The following FYB2 variants were observed in gnomAD, a reference collection of about 807,000 sequenced individuals.
The protein encoded by FYB2 is FYN-binding protein 2.
In FYB2, 103 loss-of-function variants were observed where a neutral mutation model predicts 94.1. The ratio of observed to expected loss-of-function variants is 1.09; its 90% CI spans 0.93 to 1.29. FYB2 has a LOEUF of 1.29. Ranked by LOEUF, FYB2 falls within the 50% of genes most tolerant of loss-of-function variation. FYB2 has a pLI of 0.00. For missense variants in FYB2, 896 were observed against 841.5 expected (o/e 1.06, Z -0.80); for synonymous variants, 293 against 287.9 (o/e 1.02, Z -0.18).
At chr1:56,762,098 C>T (rs1645509704) in intron 5 of FYB2, 1 of 152,142 alleles carries the variant, frequency 6.6e-6, no homozygotes, top group Admixed American at 6.5e-5. Flanking sequence ...TTCTACGTGT[C>T]TCTCTTTGCC....
At chr1:56,772,227 T>C (rs1192838246) in intron 4 of FYB2, among the ~76,000 whole-genome samples, 1 of 152,162 alleles carries the variant, frequency 6.6e-6, no homozygotes, top group Admixed American at 6.6e-5. Context: ...AATTGAAAGA[T>C]GTCTAATCAA....
At chr1:56,786,298 T>C (rs1646131209) in intron 4 of FYB2, among the ~76,000 whole-genome samples, 1 of 152,202 alleles carries the variant, frequency 6.6e-6, no homozygotes, top group Non-Finnish European at 1.5e-5. Flanking sequence ...TTATGTAGCA[T>C]TACTCTAGCA....
chr1:56,720,239 C>T lies in FYB2; in HGVS notation c.2065G>A (p.Glu689Lys). 1.2e-6 allele frequency: 2 copies of T among 1,612,314 alleles called. No individual in the cohort carries two copies. Among genetic ancestry groups the T allele is most frequent in the South Asian group, 1.1e-5 (1 of 90,966 alleles). Residue 689 changes from glutamate to lysine, a missense_variant, in exon 18 of 20, where the codon GAA becomes AAA. Coordinates refer to ENST00000343433, the MANE Select transcript of FYB2 (RefSeq NM_001004303.5). Reference protein sequence around the residue: ...GIFDLPISPGEELEVIDTTEQ... With the variant: ...GIFDLPISPGKELEVIDTTEQ... Reference sequence around the variant, plus strand: ...GTGGTATCAATGACTTCCAATTCTTCTCCAGGACTTATTGGCAAATCAAAT... The same window carrying T: ...GTGGTATCAATGACTTCCAATTCTTTTCCAGGACTTATTGGCAAATCAAAT...
intron 1 of FYB2, among the ~76,000 whole-genome samples, chr1:56,799,650 T>G (rs10082340): frequency 0.027 from 4,071 of 152,272 alleles, 196 homozygotes; most frequent in African/African-American, 0.092. Flanking sequence ...AAACTCAGTA[T>G]TATACCCTTT....
rs890678065 is a variant in FYB2 at position 56,742,200 on chromosome 1, T to G, written c.1565A>C (p.Glu522Ala). The change falls in exon 12 of 20, where the codon GAA (glutamate) becomes GCA (alanine). Residue 522 changes from glutamate (E) to alanine (A), a missense_variant. Glu to Ala is a moderately radical substitution (Grantham distance 107). Coordinates refer to ENST00000343433, the MANE Select transcript of FYB2 (RefSeq NM_001004303.5). ...SSSEENRELY[E>A]DVYKTKNNYP... is the part of the protein sequence containing the mutation. ...GTTGTTCTTTGTTTTGTAGACATCT[T>G]CATACAGTTCTCTATTTTCTTCTGA... is the stretch of plus-strand genomic sequence containing the variant. 6.2e-7 allele frequency: 1 copy of G among 1,602,236 alleles called. No individual in the cohort carries two copies.
intron 4 of FYB2, among the ~76,000 whole-genome samples, chr1:56,782,634 CAGCT>C (rs1445196202): frequency 9.9e-5 from 15 of 152,022 alleles, no homozygotes; most frequent in African/African-American, 3.4e-4. Context: ...ATAAGCTTAT[CAGCT>C]TTTAATAAAA....
At chr1:56,752,933 G>A (rs898289886) in intron 8 of FYB2, among the ~76,000 whole-genome samples, 4 of 152,060 alleles carry the variant, frequency 2.6e-5, no homozygotes, top group Admixed American at 6.6e-5. Flanking sequence ...TTGATGGCTT[G>A]GCTTTCACAC....
Position 56,754,368 on chromosome 1 carries a change from T to C in FYB2, c.1131-433A>G, listed in dbSNP as rs149486221. On this transcript the variant is annotated intron_variant, in intron 7 of 19. Coordinates refer to ENST00000343433, the MANE Select transcript of FYB2 (RefSeq NM_001004303.5). ...TGCCTTCCACATCTTATACTGCTGG[T>C]AAATACAATGCCCTTCATGATATAG... 1.5e-3 allele frequency among the ~76,000 whole-genome samples: 222 copies of C among 152,186 alleles called. 2 individuals carry two copies. Among genetic ancestry groups the C allele is most frequent in the African/African-American group, 5.0e-3 (209 of 41,540 alleles).
chr1:56,801,969 T>C (rs1646532218), intron 1 of FYB2, among the ~76,000 whole-genome samples: 1 of 152,178 alleles, frequency 6.6e-6, no homozygotes, highest in South Asian at 2.1e-4. Flanking sequence ...TTTGCAGTTT[T>C]TAGGGGCTGG....
chr1:56,798,650 A>G (rs1293334661), intron 1 of FYB2, among the ~76,000 whole-genome samples: 1 of 152,076 alleles, frequency 6.6e-6, no homozygotes, highest in Non-Finnish European at 1.5e-5. Flanking sequence ...AGGAATAATG[A>G]TAATAATAAT....
intron 1 of FYB2, among the ~76,000 whole-genome samples, chr1:56,803,764 C>T (rs1248971490): frequency 6.6e-6 from 1 of 152,216 alleles, no homozygotes; most frequent in Non-Finnish European, 1.5e-5. Flanking sequence ...TAGTGTGGGC[C>T]TTGTTTTCCT....
At chr1:56,787,991 T>C (rs1646170537) in intron 3 of FYB2, among the ~76,000 whole-genome samples, 1 of 152,196 alleles carries the variant, frequency 6.6e-6, no homozygotes, top group Admixed American at 6.5e-5. Flanking sequence ...TTAAGATGAC[T>C]TGTAGCAGTG....
At chr1:56,733,106 A>C (rs1222440034) in intron 15 of FYB2, among the ~76,000 whole-genome samples, 2 of 152,110 alleles carry the variant, frequency 1.3e-5, no homozygotes, top group African/African-American at 2.4e-5. Flanking sequence ...TAATATCCAG[A>C]ATATACAAGG....
chr1:56,733,399 T>G (rs1309483927), intron 15 of FYB2, among the ~76,000 whole-genome samples: 1 of 152,134 alleles, frequency 6.6e-6, no homozygotes, highest in Non-Finnish European at 1.5e-5. Context: ...ATTCATTGAT[T>G]TTTTGAAGGT....
chr1:56,736,670 C>T (rs61765483), intron 15 of FYB2, among the ~76,000 whole-genome samples: 3 of 152,058 alleles, frequency 2.0e-5, no homozygotes, highest in African/African-American at 7.2e-5. Flanking sequence ...CCTACCTCTG[C>T]CTCTCAAAGT....
In FYB2 at chr1:56,805,561, A is replaced by G. The variant is rs375831589; in HGVS notation, c.10-12758T>C. Among the ~76,000 whole-genome samples, 8 of 152,298 alleles carry G rather than the reference A, an allele frequency of 5.3e-5. No homozygotes were observed. In the East Asian group the frequency reaches 1.5e-3, roughly 29 times the overall value. On this transcript the variant is annotated intron_variant, in intron 1 of 19. Coordinates refer to ENST00000343433, the MANE Select transcript of FYB2 (RefSeq NM_001004303.5). Reference sequence around the variant, plus strand: ...CTTTCTGAAGCTTACCAGGACACATAGCAAATGGGTGCTAAGCCAAGATCT... The same window carrying G: ...CTTTCTGAAGCTTACCAGGACACATGGCAAATGGGTGCTAAGCCAAGATCT...
intron 6 of FYB2, among the ~76,000 whole-genome samples, chr1:56,757,356 G>C (rs992645350): frequency 6.6e-6 from 1 of 151,966 alleles, no homozygotes; most frequent in African/African-American, 2.4e-5. Context: ...AAGCATAAGA[G>C]AACCAAAACA....
intron 1 of FYB2, among the ~76,000 whole-genome samples, chr1:56,809,671 T>A (rs143237683): frequency 3.3e-4 from 50 of 152,310 alleles, no homozygotes; most frequent in African/African-American, 1.2e-3. Context: ...AGAGCTCCTG[T>A]CCCTGCTCCA....
At chr1:56,748,607 G>A (rs977857226) in intron 9 of FYB2, among the ~76,000 whole-genome samples, 1 of 151,706 alleles carries the variant, frequency 6.6e-6, no homozygotes, top group African/African-American at 2.4e-5. Flanking sequence ...TTTAATGATT[G>A]TATCCTAGCT....
Sources: gnomAD v4.1 joint callset for allele counts (sites outside exome capture counted in the v4.1 genomes callset) on GRCh38, gnomAD v4.1.1 for gene constraint, MANE v1.5 for transcripts, NCBI Gene and HGNC (gene_info 2026-07-23, HGNC 2026-07-21) for gene names.